The following TPTE variants were observed in gnomAD, a reference collection of about 807,000 sequenced individuals.
TPTE encodes the protein putative tyrosine-protein phosphatase TPTE.
TPTE carries 59 observed loss-of-function variants against 84.1 expected under a neutral mutation model. The ratio of observed to expected loss-of-function variants is 0.70; its 90% CI spans 0.57 to 0.87. The LOEUF is 0.87. Among genes scored for constraint, TPTE ranks in the 40% least tolerant of loss-of-function variants. The probability of loss-of-function intolerance (pLI) is 0.00; values close to 1 mark genes in which losing one functional copy is unlikely to be tolerated. For synonymous variants in TPTE, 130 were observed against 223.5 expected, an observed-to-expected ratio of 0.58 and a Z score of 3.73; for missense variants, 382 against 659.6, an observed-to-expected ratio of 0.58 and a Z score of 4.61.
At chr21:10,592,245 A>T in intron 18 of TPTE, 48 bp from the exon 19 acceptor site, 1 of 1,609,842 alleles carries the variant, frequency 6.2e-7, no homozygotes, top group South Asian at 1.1e-5. Context: ...AATATAGGAA[A>T]GGAAAGAGTG....
intron 21 of TPTE, among the ~76,000 whole-genome samples, chr21:10,598,653 G>A (rs544814211): frequency 8.8e-4 from 134 of 152,260 alleles, no homozygotes; most frequent in African/African-American, 3.1e-3. Context: ...ATGCAAGAGT[G>A]AATGAACGGG....
At chr21:10,576,789 T>C (rs2075160046) in intron 14 of TPTE, among the ~76,000 whole-genome samples, 1 of 152,080 alleles carries the variant, frequency 6.6e-6, no homozygotes, top group Admixed American at 6.5e-5. Flanking sequence ...GATTGTATTT[T>C]AAATTATAAC....
intron 14 of TPTE, among the ~76,000 whole-genome samples, chr21:10,575,271 G>A (rs1235777877): frequency 6.6e-6 from 1 of 152,308 alleles, no homozygotes; most frequent in Non-Finnish European, 1.5e-5. Context: ...TCTTTAAGCA[G>A]GACCCCAATC....
At chr21:10,527,759 C>T (rs867850273) in intron 3 of TPTE, among the ~76,000 whole-genome samples, 1 of 152,304 alleles carries the variant, frequency 6.6e-6, no homozygotes, top group South Asian at 2.1e-4. Flanking sequence ...TGTATCTGTC[C>T]CTCACCCTTC....
intron 3 of TPTE, among the ~76,000 whole-genome samples, chr21:10,533,005 T>G (rs2074205736): frequency 1.3e-5 from 2 of 152,304 alleles, no homozygotes; most frequent in Non-Finnish European, 2.9e-5. Flanking sequence ...CTTTCTTGAA[T>G]TTTGGGAAAT....
chr21:10,565,706 CACTT>C (rs1429968350), intron 10 of TPTE, among the ~76,000 whole-genome samples: 6 of 152,422 alleles, frequency 3.9e-5, no homozygotes, highest in African/African-American at 1.2e-4. Flanking sequence ...AATCCACACA[CACTT>C]ACAGTGAACT....
intron 2 of TPTE, among the ~76,000 whole-genome samples, chr21:10,527,133 CCTCTCTCTCTCTCT>C (rs59412977): frequency 6.7e-6 from 1 of 148,502 alleles, no homozygotes; most frequent in Non-Finnish European, 1.5e-5. Context: ...TTCTGTGTCC[CCTCTCTCTCTCTCT>C]CTCTCTCTCT....
In TPTE at chr21:10,542,384, T is replaced by C. The variant is rs1425788048; in HGVS notation, c.66-11T>C. 1.9e-6 allele frequency: 3 copies of C among 1,610,870 alleles called. No homozygotes were observed. Among genetic ancestry groups the C allele is most frequent in the Admixed American group, 1.7e-5 (1 of 59,892 alleles). ...TCTCCTCTCTGACTGTTTTCTCTTA[T>C]CATCCACTAGTCCACAGACAAGTGA... On this transcript the variant is annotated splice_polypyrimidine_tract_variant and intron_variant, in intron 5 of 23. Transcript: ENST00000618007.
intron 14 of TPTE, among the ~76,000 whole-genome samples, chr21:10,572,450 C>CA (rs58796102): frequency 0.041 from 5,392 of 130,378 alleles, 2 homozygotes; most frequent in Non-Finnish European, 0.052. Context: ...AGACTGTATC[C>CA]AAAAAAAAAA....
At chr21:10,554,424 A>AAGTG (rs1444735662) in intron 8 of TPTE, among the ~76,000 whole-genome samples, 1 of 152,306 alleles carries the variant, frequency 6.6e-6, no homozygotes, top group African/African-American at 2.4e-5. Context: ...TCAAGATGCA[A>AAGTG]AGTGTACATT....
At chr21:10,591,789 C>A (rs2075481328) in intron 18 of TPTE, among the ~76,000 whole-genome samples, 1 of 152,304 alleles carries the variant, frequency 6.6e-6, no homozygotes, top group African/African-American at 2.4e-5. Context: ...TAAGGTGTTT[C>A]TAGCTCTAAA....
At chr21:10,540,148 C>G (rs1404068537) in intron 4 of TPTE, among the ~76,000 whole-genome samples, 1 of 152,308 alleles carries the variant, frequency 6.6e-6, no homozygotes, top group South Asian at 2.1e-4. Context: ...TGGCACGGCC[C>G]TGTGTGTGAA....
chr21:10,581,770 T>C (rs1485395329), intron 17 of TPTE, among the ~76,000 whole-genome samples: 14 of 152,342 alleles, frequency 9.2e-5, no homozygotes, highest in African/African-American at 3.4e-4. Context: ...TCTCGCTGTG[T>C]CACTCAGGCT....
At chr21:10,601,033 T>G (rs1978425846) in intron 21 of TPTE, among the ~76,000 whole-genome samples, 1 of 152,310 alleles carries the variant, frequency 6.6e-6, no homozygotes. Flanking sequence ...TAAAAAACCG[T>G]GATAAGTTAT....
intron 14 of TPTE, among the ~76,000 whole-genome samples, chr21:10,571,223 C>A (rs1279917105): frequency 6.6e-6 from 1 of 152,312 alleles, no homozygotes; most frequent in Non-Finnish European, 1.5e-5. Context: ...ACCATCAGGC[C>A]ACTGAGGCAC....
At chr21:10,589,832 C>A (rs566785209) in intron 17 of TPTE, among the ~76,000 whole-genome samples, 1 of 152,304 alleles carries the variant, frequency 6.6e-6, no homozygotes, top group Non-Finnish European at 1.5e-5. Context: ...CGGGGAATTG[C>A]CATTTTCTTT....
chr21:10,539,621 A>G (rs528067257), intron 4 of TPTE, among the ~76,000 whole-genome samples: 177 of 152,364 alleles, frequency 1.2e-3, no homozygotes, highest in Non-Finnish European at 2.2e-3. Context: ...TGCTGCAATC[A>G]TATAAAGTAT....
intron 7 of TPTE, among the ~76,000 whole-genome samples, chr21:10,545,249 C>T (rs1600876720): frequency 6.6e-6 from 1 of 152,312 alleles, no homozygotes; most frequent in African/African-American, 2.4e-5. Context: ...AATTCATTCA[C>T]AAATGAAGTA....
At chr21:10,532,731 C>CT (rs1311488148) in intron 3 of TPTE, among the ~76,000 whole-genome samples, 1 of 152,420 alleles carries the variant, frequency 6.6e-6, no homozygotes, top group East Asian at 1.9e-4. Flanking sequence ...CGTGATTTCC[C>CT]TTTTAACATA....
Sources: gnomAD v4.1 joint callset for allele counts (sites outside exome capture counted in the v4.1 genomes callset) on GRCh38, gnomAD v4.1.1 for gene constraint, MANE v1.5 for transcripts, NCBI Gene and HGNC (gene_info 2026-07-23, HGNC 2026-07-21) for gene names.